The following XRN1 variants were observed in gnomAD, a reference collection of about 807,000 sequenced individuals.
XRN1 encodes the protein 5'-3' exoribonuclease 1.
In XRN1, 67 loss-of-function variants were observed where a neutral mutation model predicts 222.3. The ratio of observed to expected loss-of-function variants is 0.30; its 90% confidence interval spans 0.25 to 0.37. The LOEUF (loss-of-function observed/expected upper bound fraction) is 0.37. XRN1 is among the 10% of genes least tolerant of loss of function. The pLI is 1.00. For synonymous variants in XRN1, 643 were observed against 652.4 expected (o/e 0.99, Z 0.22); for missense variants, 1,707 against 2,000.2 (o/e 0.85, Z 2.80).
At chr3:142,324,875 T>A (rs1335446053) in intron 37 of XRN1, among the ~76,000 whole-genome samples, 2 of 152,158 alleles carry the variant, frequency 1.3e-5, no homozygotes, top group African/African-American at 4.8e-5. Context: ...CATATGTCTG[T>A]TGGCTGCATA....
intron 23 of XRN1, among the ~76,000 whole-genome samples, chr3:142,379,835 A>G (rs1465032787): frequency 6.6e-6 from 1 of 151,954 alleles, no homozygotes; most frequent in African/African-American, 2.4e-5. Flanking sequence ...AAGCTTGAAC[A>G]CAATAATCCA....
At chr3:142,316,063 G>A (rs900729804) in intron 39 of XRN1, among the ~76,000 whole-genome samples, 70 of 152,192 alleles carry the variant, frequency 4.6e-4, no homozygotes, top group African/African-American at 1.6e-3. Flanking sequence ...TATACAAACA[G>A]TGTTATCTAT....
chr3:142,351,604 C>A (rs1257531269), intron 32 of XRN1, among the ~76,000 whole-genome samples: 2 of 152,056 alleles, frequency 1.3e-5, no homozygotes, highest in Non-Finnish European at 2.9e-5. Context: ...TCTATTTGTT[C>A]AACTTTTTAA....
chr3:142,321,093 A>T (rs528468614), intron 37 of XRN1, among the ~76,000 whole-genome samples: 23 of 145,580 alleles, frequency 1.6e-4, no homozygotes, highest in Non-Finnish European at 3.3e-4. Flanking sequence ...TTGCTGAAAG[A>T]TCATCCACTT....
Position 142,312,745 on chromosome 3 carries a change from A to G in XRN1, c.4635T>C (p.Pro1545=), listed in dbSNP as rs948673953. The change falls in exon 40 of 41, where the codon CCT becomes CCC. Residue 1545 remains proline (P), a synonymous_variant. Coordinates refer to ENST00000392981, the MANE Select transcript of XRN1 (RefSeq NM_001282857.2). ...AFPPPTANIM[P]SSSHLFGSMP... is the part of the protein sequence containing the mutation. ...TTGAGCCAAAGAGATGAGACGACGAAGGCATTATATTAGCTGTTAAAAACC... is the reference window on the plus strand; with the variant it reads ...TTGAGCCAAAGAGATGAGACGACGAGGGCATTATATTAGCTGTTAAAAACC... 15 of 1,611,120 alleles carry G rather than the reference A, an allele frequency of 9.3e-6. No individual in the cohort carries two copies. The highest frequency in any genetic ancestry group is 3.4e-5 in the Admixed American group (2 of 59,126).
intron 37 of XRN1, among the ~76,000 whole-genome samples, chr3:142,324,273 G>A (rs1401901225): frequency 3.1e-4 from 35 of 114,254 alleles, no homozygotes; most frequent in African/African-American, 7.8e-4. Flanking sequence ...AGTCCCCAGC[G>A]TGTGATGTTC....
chr3:142,397,535 C>T (rs766187966), intron 19 of XRN1, 75 bp from the exon 20 acceptor site: 148 of 1,220,492 alleles, frequency 1.2e-4, no homozygotes, highest in Non-Finnish European at 1.5e-4. Flanking sequence ...GTGAGTCTTC[C>T]AAATGAAATA....
rs1387557963 is a variant in XRN1 at position 142,412,729 on chromosome 3, G to A, written c.1594-66C>T. On this transcript the variant is annotated intron_variant, in intron 14 of 40. Coordinates refer to ENST00000392981, the MANE Select transcript of XRN1 (RefSeq NM_001282857.2). ...AATATCAATATAGTTTTTTGTTAAT[G>A]TATTTATAATATTTCCTCATGTTAG... The A allele has an allele frequency of 7.3e-6, 9 of 1,240,118 alleles. No individual in the cohort carries two copies. The Admixed American group carries it at 7.6e-5, about 10-fold the overall frequency. The allele number at this position is 1,240,118 out of a possible 1,614,324, so 76.8% of individuals were successfully genotyped here.
intron 1 of XRN1, among the ~76,000 whole-genome samples, chr3:142,443,077 G>C (rs540330132): frequency 4.6e-5 from 7 of 152,252 alleles, no homozygotes; most frequent in East Asian, 3.9e-4. Flanking sequence ...GTCTCTTCCA[G>C]AATCGAAGCT....
intron 36 of XRN1, among the ~76,000 whole-genome samples, chr3:142,331,116 C>A (rs113599020): frequency 6.6e-5 from 10 of 152,140 alleles, no homozygotes; most frequent in African/African-American, 2.4e-4. Flanking sequence ...ACGTGCCCAG[C>A]CAATTCCAGG....
At chr3:142,397,534 C>T (rs2067975582) in intron 19 of XRN1, 74 bp from the exon 20 acceptor site, 1 of 1,232,010 alleles carries the variant, frequency 8.1e-7, no homozygotes, top group Non-Finnish European at 1.1e-6. Flanking sequence ...TGTGAGTCTT[C>T]CAAATGAAAT....
chr3:142,375,134 A>G (rs1407154355), intron 25 of XRN1, among the ~76,000 whole-genome samples: 1 of 152,166 alleles, frequency 6.6e-6, no homozygotes, highest in East Asian at 1.9e-4. Context: ...GGTCACCAGA[A>G]CTGGTTGAGA....
At chr3:142,361,740 G>C (rs1219015478) in intron 29 of XRN1, among the ~76,000 whole-genome samples, 1 of 152,018 alleles carries the variant, frequency 6.6e-6, no homozygotes, top group Non-Finnish European at 1.5e-5. Flanking sequence ...TGTATCTTCT[G>C]GGGTAAAATA....
chr3:142,360,934 T>C (rs1220683358), intron 29 of XRN1, among the ~76,000 whole-genome samples: 1 of 150,758 alleles, frequency 6.6e-6, no homozygotes, highest in Non-Finnish European at 1.5e-5. Flanking sequence ...AACTGACATA[T>C]GATACACTGC....
chr3:142,354,751 G>C (rs919909542), intron 32 of XRN1, among the ~76,000 whole-genome samples: 1 of 151,974 alleles, frequency 6.6e-6, no homozygotes, highest in Non-Finnish European at 1.5e-5. Flanking sequence ...GGCTGGTCTC[G>C]AACTCCTGAC....
At chr3:142,355,620 T>G (rs2066444776) in intron 31 of XRN1, 124 bp from the exon 32 acceptor site, 2 of 591,132 alleles carry the variant, frequency 3.4e-6, no homozygotes, top group Non-Finnish European at 5.5e-6. Context: ...ACCTTTTTTT[T>G]TTGACTTGGG....
At chr3:142,400,891 T>C (rs931791591) in intron 18 of XRN1, among the ~76,000 whole-genome samples, 1 of 151,986 alleles carries the variant, frequency 6.6e-6, no homozygotes, top group African/African-American at 2.4e-5. Context: ...CACTCCAGCC[T>C]AGGCAACAGA....
intron 28 of XRN1, 46 bp from the exon 29 acceptor site, chr3:142,365,225 AT>A (rs1357076530): frequency 6.3e-7 from 1 of 1,578,504 alleles, no homozygotes; most frequent in Non-Finnish European, 8.6e-7. Flanking sequence ...AAAAATTTTC[AT>A]ACTAATATAC....
chr3:142,426,945 C>T, intron 2 of XRN1, 104 bp from the exon 3 acceptor site: 1 of 773,368 alleles, frequency 1.3e-6, no homozygotes, highest in Non-Finnish European at 2.1e-6. Flanking sequence ...TAGTAATTCA[C>T]CAGTTTTAAC....
Sources: allele counts gnomAD v4.1 joint callset (sites outside exome capture counted in the v4.1 genomes callset), GRCh38; gene constraint gnomAD v4.1.1; transcripts MANE v1.5; gene names NCBI Gene and HGNC (gene_info 2026-07-23, HGNC 2026-07-21).